Variants in DENND4C observed in about 807,000 individuals in gnomAD.
The protein encoded by DENND4C is DENN domain containing 4C.
In DENND4C, 108 loss-of-function variants were observed where a neutral mutation model predicts 203.0. The ratio of observed to expected loss-of-function variants is 0.53; its 90% confidence interval spans 0.46 to 0.62. The LOEUF is 0.62. Among genes scored for constraint, DENND4C ranks in the 20% least tolerant of loss-of-function variants. The pLI is 0.00. For missense variants in DENND4C, 2,481 were observed against 2,301.2 expected, an observed-to-expected ratio of 1.08 and a Z score of -1.60; for synonymous variants, 871 against 792.4, an observed-to-expected ratio of 1.10 and a Z score of -1.67.
intron 16 of DENND4C, among the ~76,000 whole-genome samples, chr9:19,330,497 G>A (rs1412239156): frequency 6.6e-6 from 1 of 151,534 alleles, no homozygotes; most frequent in African/African-American, 2.4e-5. Context: ...CCACCAACAC[G>A]CCCAACTAAT....
At chr9:19,293,339 T>A (rs1378844954) in intron 5 of DENND4C, among the ~76,000 whole-genome samples, 1 of 152,234 alleles carries the variant, frequency 6.6e-6, no homozygotes, top group Non-Finnish European at 1.5e-5. Flanking sequence ...CACTTTGAAA[T>A]AATTATATCT....
intron 5 of DENND4C, chr9:19,292,431 A>G (rs1836536924): frequency 6.6e-6 from 1 of 152,180 alleles, no homozygotes; most frequent in Non-Finnish European, 1.5e-5. Flanking sequence ...CATATATTGT[A>G]TATAACAGTA....
At chr9:19,244,957 C>T (rs1824778690) in intron 1 of DENND4C, among the ~76,000 whole-genome samples, 1 of 152,086 alleles carries the variant, frequency 6.6e-6, no homozygotes, top group Admixed American at 6.6e-5. Flanking sequence ...TGTTTTTATT[C>T]ATATCAAGAA....
intron 2 of DENND4C, among the ~76,000 whole-genome samples, chr9:19,284,598 C>G (rs73429064): frequency 0.016 from 2,435 of 152,038 alleles, 61 homozygotes; most frequent in African/African-American, 0.056. Context: ...TAATCCACAT[C>G]CCATCAACAA....
chr9:19,266,945 C>G (rs888671229), intron 1 of DENND4C, among the ~76,000 whole-genome samples: 2 of 152,086 alleles, frequency 1.3e-5, no homozygotes, highest in African/African-American at 4.8e-5. Flanking sequence ...AAACTGATTT[C>G]TTTTTTATCA....
rs1012158989 is a variant in DENND4C at position 19,357,905 on chromosome 9, C to G, written c.4965-60C>G. 2.2e-6 allele frequency: 3 copies of G among 1,347,608 alleles called. No individual in the cohort carries two copies. In the African/African-American group the frequency reaches 4.4e-5, roughly 20 times the overall value. The allele number at this position is 1,347,608 out of a possible 1,614,324, so 83.5% of individuals were successfully genotyped here. On this transcript the variant is annotated intron_variant, in intron 27 of 32. Coordinates refer to ENST00000434457, the MANE Select transcript of DENND4C (RefSeq NM_001330640.2). ...GTCCATTGTAGAAAATACTCTAGCT[C>G]TACAGATTTAGACTGTTTTTCAACA...
chr9:19,268,185 G>T (rs888849494), intron 1 of DENND4C, among the ~76,000 whole-genome samples: 1 of 151,130 alleles, frequency 6.6e-6, no homozygotes, highest in Non-Finnish European at 1.5e-5. Flanking sequence ...CTGTAGCCTC[G>T]ACCTCTCCGG....
chr9:19,262,076 CTTTTTTTTT>C (rs60223074), intron 1 of DENND4C, among the ~76,000 whole-genome samples: 3 of 55,446 alleles, frequency 5.4e-5, no homozygotes, highest in South Asian at 1.1e-3. Flanking sequence ...TTTATTAGTT[CTTTTTTTTT>C]TTTTTTTTTT....
chr9:19,346,652 C>G lies in DENND4C; in HGVS notation c.3883C>G (p.Leu1295Val), dbSNP rs778804234. ...IESYMNLKSP[L>V]GSKSSSMELH... ...AAGCTATATGAACCTAAAAAGTCCC[C>G]TAGGTAGTAAATCTTCTAGTATGGA... The change falls in exon 23 of 33, where the codon CTA becomes GTA. Residue 1295 changes from leucine (L) to valine (V), a missense_variant. Coordinates refer to ENST00000434457, the MANE Select transcript of DENND4C (RefSeq NM_001330640.2). 1 of 1,614,032 alleles carries G rather than the reference C, an allele frequency of 6.2e-7. No individual in the cohort carries two copies. Among genetic ancestry groups the G allele is most frequent in the Non-Finnish European group, 8.5e-7 (1 of 1,179,984 alleles).
intron 2 of DENND4C, among the ~76,000 whole-genome samples, chr9:19,279,549 C>G (rs1425709338): frequency 1.3e-5 from 2 of 151,864 alleles, no homozygotes; most frequent in Non-Finnish European, 2.9e-5. Context: ...TGGTGGCGAG[C>G]ACCTGTAGTT....
chr9:19,371,839 G>A lies in DENND4C; in HGVS notation c.5740+19G>A. ...GATATTGGTAAGTTGGTTAATAAAA[G>A]ATTATGAAAGGAAGTTTTACATTTT... is the stretch of plus-strand genomic sequence containing the variant. On this transcript the variant is annotated intron_variant, in intron 32 of 32. Coordinates refer to ENST00000434457, the MANE Select transcript of DENND4C (RefSeq NM_001330640.2). The A allele has an allele frequency of 7.2e-7, 1 of 1,396,568 alleles. No individual in the cohort carries two copies. The highest frequency in any genetic ancestry group is 9.9e-7 in the Non-Finnish European group (1 of 1,005,344). The allele number at this position is 1,396,568 out of a possible 1,614,324, so 86.5% of individuals were successfully genotyped here.
chr9:19,244,703 G>T (rs1403635744), intron 1 of DENND4C, among the ~76,000 whole-genome samples: 1 of 148,130 alleles, frequency 6.8e-6, no homozygotes, highest in Non-Finnish European at 1.5e-5. Flanking sequence ...TCGTGCCACT[G>T]CACTCCAGCC....
In DENND4C at chr9:19,369,999, G is replaced by GTATTTT. The variant is rs781491100; in HGVS notation, c.5675+14_5675+19dup. ...ATGAAAAGACAAAGGTAATAATCCA[G>GTATTTT]TATTTTTTGCTTGCCACCACTCAGT... On this transcript the variant is annotated intron_variant, in intron 31 of 32. Transcript: ENST00000434457. The GTATTTT allele has an allele frequency of 2.5e-6, 4 of 1,611,640 alleles. No individual in the cohort carries two copies. In the South Asian group the frequency reaches 4.4e-5, roughly 18 times the overall value.
rs200853675 is a variant in DENND4C, at chr9:19,370,024, T to A, written c.5675+37T>A. 1.2e-4 allele frequency: 197 copies of A among 1,607,912 alleles called. No homozygotes were observed. The Admixed American group carries it at 3.0e-3, about 25-fold the overall frequency. On this transcript the variant is annotated intron_variant, in intron 31 of 32. Coordinates refer to ENST00000434457, the MANE Select transcript of DENND4C (RefSeq NM_001330640.2). Reference sequence around the variant, plus strand: ...GTATTTTTTGCTTGCCACCACTCAGTCATTTCATGTTTTTAAAAAAATATC... The same window carrying A: ...GTATTTTTTGCTTGCCACCACTCAGACATTTCATGTTTTTAAAAAAATATC...
intron 1 of DENND4C, among the ~76,000 whole-genome samples, chr9:19,251,815 A>G (rs1304449726): frequency 6.6e-6 from 1 of 152,232 alleles, no homozygotes; most frequent in East Asian, 1.9e-4. Context: ...CCTCATCTCC[A>G]TCTGAGACCA....
chr9:19,260,084 T>C (rs1828982494), intron 1 of DENND4C, among the ~76,000 whole-genome samples: 1 of 152,200 alleles, frequency 6.6e-6, no homozygotes, highest in African/African-American at 2.4e-5. Flanking sequence ...CCACTAACAG[T>C]GTATGAGGGT....
intron 30 of DENND4C, among the ~76,000 whole-genome samples, chr9:19,365,719 AAGT>A (rs1827513994): frequency 2.7e-5 from 4 of 150,320 alleles, no homozygotes; most frequent in Admixed American, 6.7e-5. Flanking sequence ...AGAACTGCAT[AAGT>A]TCAGCAAGGT....
At chr9:19,237,336 G>C (rs1287771027) in intron 1 of DENND4C, among the ~76,000 whole-genome samples, 1 of 151,572 alleles carries the variant, frequency 6.6e-6, no homozygotes, top group African/African-American at 2.4e-5. Flanking sequence ...TTTAGATTCA[G>C]GATTTTGTTT....
intron 13 of DENND4C, among the ~76,000 whole-genome samples, chr9:19,324,773 G>A (rs565309944): frequency 1.3e-5 from 2 of 152,332 alleles, no homozygotes; most frequent in East Asian, 3.9e-4. Context: ...AGGCTAGGGT[G>A]CAGTGGCATG....
Sources: gnomAD v4.1 joint callset for allele counts (sites outside exome capture counted in the v4.1 genomes callset) on GRCh38, gnomAD v4.1.1 for gene constraint, MANE v1.5 for transcripts, NCBI Gene and HGNC (gene_info 2026-07-23, HGNC 2026-07-21) for gene names.